The following SON variants were observed in gnomAD, a reference collection of about 807,000 sequenced individuals.
SON encodes the protein SON DNA and RNA binding protein.
Under a neutral mutation model 173.3 loss-of-function variants are expected in SON, and 4 were observed. The observed-to-expected ratio is 0.02, with a 90% CI of 0.01 to 0.05. The LOEUF is 0.05. SON is among the 10% of genes least tolerant of loss of function. The probability of loss-of-function intolerance (pLI) is 1.00; values close to 1 mark genes in which losing one functional copy is unlikely to be tolerated. For missense variants in SON, 2,626 were observed against 3,055.3 expected (o/e 0.86, Z 3.31); for synonymous variants, 1,190 against 1,105.9 (o/e 1.08, Z -1.51).
At chr21:33,564,792 G>A (rs2086134589) in intron 6 of SON, among the ~76,000 whole-genome samples, 3 of 145,584 alleles carry the variant, frequency 2.1e-5, no homozygotes, top group African/African-American at 2.6e-5. Flanking sequence ...CCCAGGAGGC[G>A]AGAGGTTGCA....
intron 1 of SON, chr21:33,543,623 T>G (rs1469880156): frequency 4.7e-6 from 1 of 210,958 alleles, no homozygotes; most frequent in East Asian, 1.3e-4. Flanking sequence ...TCTTAAATCC[T>G]CTTTATTATT....
chr21:33,567,377 T>A, intron 7 of SON, 110 bp downstream of exon 7: 1 of 683,858 alleles, frequency 1.5e-6, no homozygotes, highest in Non-Finnish European at 2.7e-6. Flanking sequence ...GGTTGAGTTG[T>A]AACATCCTTT....
intron 8 of SON, 48 bp downstream of exon 8, chr21:33,569,135 T>G: frequency 2.6e-6 from 3 of 1,163,990 alleles, no homozygotes; most frequent in South Asian, 2.6e-5. Context: ...AAGTTTAAAT[T>G]TTTTGGAAAC....
intron 9 of SON, 125 bp from the exon 10 acceptor site, chr21:33,575,471 G>A (rs1261033263): frequency 1.1e-5 from 6 of 524,520 alleles, no homozygotes; most frequent in Admixed American, 3.5e-5. Context: ...TAGAGAAATC[G>A]AGTGTACTAG....
At chr21:33,544,545 TCCC>T (rs140620400) in intron 1 of SON, among the ~76,000 whole-genome samples, 2 of 151,866 alleles carry the variant, frequency 1.3e-5, no homozygotes, top group Non-Finnish European at 2.9e-5. Flanking sequence ...TCATTTCATT[TCCC>T]CCCCCATGTA....
intron 6 of SON, among the ~76,000 whole-genome samples, chr21:33,564,167 C>T (rs181810802): frequency 5.9e-5 from 9 of 152,194 alleles, no homozygotes; most frequent in Admixed American, 5.2e-4. Flanking sequence ...CATTTTGGTG[C>T]CTTTCTTATA....
intron 1 of SON, 26 bp downstream of exon 1, chr21:33,543,195 T>A (rs1018949673): frequency 2.5e-6 from 4 of 1,593,516 alleles, no homozygotes; most frequent in Non-Finnish European, 8.6e-7. Context: ...ATTCTTCTGC[T>A]CCCAACGGAC....
chr21:33,571,497 A>G (rs2086284625), intron 8 of SON, among the ~76,000 whole-genome samples: 1 of 152,232 alleles, frequency 6.6e-6, no homozygotes, highest in African/African-American at 2.4e-5. Flanking sequence ...AAAAAAAGCA[A>G]AGTTTTATCA....
intron 6 of SON, among the ~76,000 whole-genome samples, chr21:33,565,292 A>ATTT (rs1715912586): frequency 1.3e-5 from 2 of 152,178 alleles, no homozygotes; most frequent in South Asian, 4.1e-4. Flanking sequence ...GGGTAGACAC[A>ATTT]TTTTCCCCAG....
chr21:33,555,467 A>G (rs2085949049), intron 3 of SON, 76 bp downstream of exon 3: 11 of 1,321,228 alleles, frequency 8.3e-6, no homozygotes, highest in Non-Finnish European at 1.1e-5. Flanking sequence ...CCTTGAGTCA[A>G]GTGAAATACT....
At chr21:33,547,807 C>T (rs751892629) in intron 2 of SON, among the ~76,000 whole-genome samples, 10 of 150,320 alleles carry the variant, frequency 6.7e-5, no homozygotes, top group South Asian at 4.2e-4. Context: ...CTCCGCCTCC[C>T]GGGTTCACGC....
chr21:33,561,270 C>T (rs1439054444), intron 6 of SON, among the ~76,000 whole-genome samples: 1 of 152,194 alleles, frequency 6.6e-6, no homozygotes, highest in East Asian at 1.9e-4. Flanking sequence ...ATCCCCCAAT[C>T]AGGCTACCTG....
rs751215349 is a variant in SON, at chr21:33,551,308, A to C, written c.2077A>C (p.Thr693Pro). 1 of 1,614,110 alleles carries C rather than the reference A, an allele frequency of 6.2e-7. No homozygotes were observed. The highest frequency in any genetic ancestry group is 8.5e-7 in the Non-Finnish European group (1 of 1,179,978). Residue 693 changes from threonine (T) to proline (P), a missense_variant, in exon 3 of 12, where the codon ACT becomes CCT. By Grantham distance (38) the Thr-to-Pro change is conservative (BLOSUM62 -1). Around this residue, in one of 13 missense-constraint regions of SON, gnomAD observed 182 missense variants for 193.6 expected, o/e 0.94. Coordinates refer to ENST00000356577, the MANE Select transcript of SON (RefSeq NM_138927.4). The stretch of plus-strand genomic sequence containing the variant: ...TAATACGGTAGCACAGGAGCTGCCT[A>C]CTACATTAGTGGGGGAGACTTCTGT... ...SYNTVAQELPTTLVGETSVTV... is the reference protein window; with the variant it reads ...SYNTVAQELPPTLVGETSVTV...
rs758080055 is a variant in SON, at chr21:33,555,034, A to G, written c.5803A>G (p.Ser1935Gly). ...TCGTCGGAGTCGGAGTCATACTCCA[A>G]GTCGTCGACGAAGGTCTAGATCTGT... ...PSRRSRSHTP[S>G]RRRRSRSVGR... The change falls in exon 3 of 12, where the codon AGT (serine) becomes GGT (glycine). Residue 1935 changes from serine to glycine, a missense_variant. Ser to Gly is a moderately conservative substitution (Grantham distance 56). Coordinates refer to ENST00000356577, the MANE Select transcript of SON (RefSeq NM_138927.4). 4 of 1,613,014 alleles carry G rather than the reference A, an allele frequency of 2.5e-6. No homozygotes were observed. The highest frequency in any genetic ancestry group is 2.2e-5 in the East Asian group (1 of 44,894).
chr21:33,547,915 G>A (rs985367416), intron 2 of SON, among the ~76,000 whole-genome samples: 1 of 151,256 alleles, frequency 6.6e-6, no homozygotes, highest in Non-Finnish European at 1.5e-5. Flanking sequence ...AGTAGAGACG[G>A]GGTTTTACCG....
Position 33,553,823 on chromosome 21 carries a change from A to C in SON, c.4592A>C (p.Asn1531Thr). 3 of 1,614,036 alleles carry C rather than the reference A, an allele frequency of 1.9e-6. No homozygotes were observed. Among genetic ancestry groups the C allele is most frequent in the Non-Finnish European group, 2.5e-6 (3 of 1,179,926 alleles). ...GDFYESEHGI[N>T]IDLNINNHLI... ...TTTTACGAAAGTGAACATGGTATAA[A>C]TATAGACCTTAATATAAATAATCAT... Residue 1531 changes from asparagine to threonine, a missense_variant, in exon 3 of 12, where the codon AAT (asparagine) becomes ACT (threonine). By Grantham distance (65) the Asn-to-Thr change is moderately conservative. This residue lies in a region of SON where 1,006 missense variants were observed against 895.6 expected (regional missense o/e 1.12). Coordinates refer to ENST00000356577, the MANE Select transcript of SON (RefSeq NM_138927.4).
chr21:33,555,444 A>T lies in SON; in HGVS notation c.6160+53A>T, dbSNP rs182039849. 702 of 1,433,896 alleles carry T rather than the reference A, an allele frequency of 4.9e-4. 4 individuals are homozygous for T. In the African/African-American group the frequency reaches 9.2e-3, roughly 19 times the overall value. The allele number at this position is 1,433,896 out of a possible 1,614,324, so 88.8% of individuals were successfully genotyped here. A position where few individuals can be genotyped will look rare whatever the true frequency, so the allele number is the denominator to read the frequency against. On this transcript the variant is annotated intron_variant, in intron 3 of 11. Transcript: ENST00000356577. ...GGTAGTAGAAAATGTTTTAAACCTTAATTTTTTTCTGACCTTGAGTCAAGT... is the reference window on the plus strand; with the variant it reads ...GGTAGTAGAAAATGTTTTAAACCTTTATTTTTTTCTGACCTTGAGTCAAGT...
chr21:33,554,176 G>A lies in SON; in HGVS notation c.4945G>A (p.Gly1649Ser), dbSNP rs754700401. 6.2e-7 allele frequency: 1 copy of A among 1,614,132 alleles called. No homozygotes were observed. The highest frequency in any genetic ancestry group is 1.1e-5 in the South Asian group (1 of 91,078). ...HDMVISTSPS[G>S]GSEADIEGPL... ...CATGGTAATTTCCACCAGTCCTAGTGGTGGTAGTGAAGCTGACATTGAAGG... is the reference window on the plus strand; with the variant it reads ...CATGGTAATTTCCACCAGTCCTAGTAGTGGTAGTGAAGCTGACATTGAAGG... Residue 1649 changes from glycine (G) to serine (S), a missense_variant, in exon 3 of 12, where the codon GGT becomes AGT. This residue lies in a region of SON where 1,006 missense variants were observed against 895.6 expected (regional missense o/e 1.12). Transcript: ENST00000356577.
At chr21:33,561,763 T>C (rs1370201590) in intron 6 of SON, among the ~76,000 whole-genome samples, 2 of 152,206 alleles carry the variant, frequency 1.3e-5, no homozygotes, top group Non-Finnish European at 2.9e-5. Context: ...AGGAGAATTA[T>C]TCTTAAATCT....
Sources: allele counts gnomAD v4.1 joint callset (sites outside exome capture counted in the v4.1 genomes callset), GRCh38; gene constraint gnomAD v4.1.1; regional missense constraint gnomAD v4.1.1; transcripts MANE v1.5; gene names NCBI Gene and HGNC (gene_info 2026-07-23, HGNC 2026-07-21).